The following NIPA1 variants were observed in gnomAD, a reference collection of about 807,000 sequenced individuals.
NIPA1 encodes the protein NIPA magnesium transporter 1, also known as magnesium transporter NIPA1.
In NIPA1, 13 loss-of-function variants were observed where a neutral mutation model predicts 23.9. The ratio of observed to expected loss-of-function variants is 0.54; its 90% CI spans 0.35 to 0.87. NIPA1 has a LOEUF of 0.87. Ranked by LOEUF, NIPA1 falls within the 40% of genes least tolerant of loss-of-function variation. NIPA1 has a pLI of 0.01. For synonymous variants in NIPA1, 234 were observed against 202.9 expected (o/e 1.15, Z -1.30); for missense variants, 362 against 429.7 (o/e 0.84, Z 1.39).
Position 22,786,805 on chromosome 15 carries a change from A to G in NIPA1, c.149A>G (p.Lys50Arg). The G allele has an allele frequency of 7.9e-7, 1 of 1,269,394 alleles. No individual in the cohort carries two copies. Among genetic ancestry groups the G allele is most frequent in the Non-Finnish European group, 1.0e-6 (1 of 985,010 alleles). The allele number at this position is 1,269,394 out of a possible 1,614,324, so 78.6% of individuals were successfully genotyped here. Reference sequence around the variant, plus strand: ...AACGGGTCCACGTTCGTGCTACAGAAGAAGGGCATCGTGCGTGCCAAGCGG... The same window carrying G: ...AACGGGTCCACGTTCGTGCTACAGAGGAAGGGCATCGTGCGTGCCAAGCGG... Reference protein sequence around the residue: ...LVNGSTFVLQKKGIVRAKRRG... With the variant: ...LVNGSTFVLQRKGIVRAKRRG... The change falls in exon 1 of 5, where the codon AAG (lysine) becomes AGG (arginine). Residue 50 changes from lysine to arginine, a missense_variant. Physicochemically the swap from Lys to Arg is conservative, Grantham distance 26. Coordinates refer to ENST00000337435, the MANE Select transcript of NIPA1 (RefSeq NM_144599.5).
At position 22,791,388 on chromosome 15, in the gene NIPA1, A is replaced by G. The variant is rs1470362003; in HGVS notation, c.178+4554A>G. Among the ~76,000 whole-genome samples the G allele has an allele frequency of 2.0e-5, 3 of 149,730 alleles. No individual in the cohort carries two copies. In the Admixed American group the frequency reaches 2.0e-4, roughly 10 times the overall value. On this transcript the variant is annotated intron_variant, in intron 1 of 4. Transcript: ENST00000337435. ...CCAGGTGGTAGCATTTCTAGATTTG[A>G]GATTCTAGATAGTCTCATCTTCAGG...
rs1432496649 is a variant in NIPA1 at position 22,828,017 on chromosome 15, C to T, written c.*3778C>T. On this transcript the variant is annotated 3_prime_UTR_variant, in exon 5 of 5. Transcript: ENST00000337435. ...GCTCGATGCTGACTTAGGCTTCCTGCCACCAAGCAGGAAACTAGAAAGAGA... is the reference window on the plus strand; with the variant it reads ...GCTCGATGCTGACTTAGGCTTCCTGTCACCAAGCAGGAAACTAGAAAGAGA... 6.6e-6 allele frequency: 1 copy of T among 152,316 alleles called. No individual in the cohort carries two copies. Among genetic ancestry groups the T allele is most frequent in the Non-Finnish European group, 1.5e-5 (1 of 68,036 alleles). 9.4% of individuals were successfully genotyped at this position (152,316 alleles called of 1,614,324 possible). A position where few individuals can be genotyped will look rare whatever the true frequency, so the allele number is the denominator to read the frequency against.
chr15:22,795,615 G>GAC (rs1311187898), intron 1 of NIPA1, among the ~76,000 whole-genome samples: 1 of 152,158 alleles, frequency 6.6e-6, no homozygotes, highest in East Asian at 1.9e-4. Context: ...CCCCTTCCAT[G>GAC]GTGTGTGGCT....
In NIPA1 at chr15:22,826,631, A is replaced by T. The variant is rs1468423807; in HGVS notation, c.*2392A>T. On this transcript the variant is annotated 3_prime_UTR_variant, in exon 5 of 5. Coordinates refer to ENST00000337435, the MANE Select transcript of NIPA1 (RefSeq NM_144599.5). ...TGTACCTTAGTATATTTTAATCCACAATTATACCATTGATACTGAGAGGTG... is the reference window on the plus strand; with the variant it reads ...TGTACCTTAGTATATTTTAATCCACTATTATACCATTGATACTGAGAGGTG... 1.3e-5 allele frequency: 2 copies of T among 152,152 alleles called. No individual in the cohort carries two copies. The highest frequency in any genetic ancestry group is 2.9e-5 in the Non-Finnish European group (2 of 68,022). 9.4% of individuals were successfully genotyped at this position (152,152 alleles called of 1,614,324 possible).
chr15:22,799,111 A>G (rs77420738), intron 1 of NIPA1, among the ~76,000 whole-genome samples: 1 of 152,178 alleles, frequency 6.6e-6, no homozygotes, highest in Non-Finnish European at 1.5e-5. Flanking sequence ...AGTTTTATCA[A>G]AAAGACACAT....
chr15:22,806,116 G>T (rs1173677310), intron 1 of NIPA1, among the ~76,000 whole-genome samples: 1 of 152,068 alleles, frequency 6.6e-6, no homozygotes, highest in Non-Finnish European at 1.5e-5. Flanking sequence ...GCAGAGACGG[G>T]GTTTCACCGT....
At chr15:22,801,608 C>CG (rs1244748339) in intron 1 of NIPA1, among the ~76,000 whole-genome samples, 13 of 149,226 alleles carry the variant, frequency 8.7e-5, no homozygotes, top group African/African-American at 3.2e-4. Context: ...TTCCACCTCC[C>CG]GGGGTTCAAG....
In NIPA1 at chr15:22,826,472, G is replaced by A. The variant is rs986750337; in HGVS notation, c.*2233G>A. ...TTTGGGCATAAAAATAGTTTCCTAGGTAAGGGGTGTGAGATATTCAAAGAA... is the reference window on the plus strand; with the variant it reads ...TTTGGGCATAAAAATAGTTTCCTAGATAAGGGGTGTGAGATATTCAAAGAA... On this transcript the variant is annotated 3_prime_UTR_variant, in exon 5 of 5. Coordinates refer to ENST00000337435, the MANE Select transcript of NIPA1 (RefSeq NM_144599.5). 4.6e-5 allele frequency: 7 copies of A among 152,140 alleles called. No homozygotes were observed. The highest frequency in any genetic ancestry group is 1.0e-4 in the Non-Finnish European group (7 of 68,028). 9.4% of individuals were successfully genotyped at this position (152,140 alleles called of 1,614,324 possible). A position where few individuals can be genotyped will look rare whatever the true frequency, so the allele number is the denominator to read the frequency against.
intron 1 of NIPA1, among the ~76,000 whole-genome samples, chr15:22,808,063 A>G (rs1895249512): frequency 1.3e-5 from 2 of 152,090 alleles, no homozygotes; most frequent in South Asian, 4.1e-4. Flanking sequence ...TGCTGGGATT[A>G]CAGGCATGAG....
At position 22,814,327 on chromosome 15, in the gene NIPA1, G is replaced by A. The variant is rs142873955; in HGVS notation, c.317+2074G>A. The stretch of plus-strand genomic sequence containing the variant: ...GGCTGGAGTGCAGTGGCACGATCTC[G>A]GCTCACTGCAAGCTCTACCTGCTGG... On this transcript the variant is annotated intron_variant, in intron 3 of 4. Transcript: ENST00000337435. Among the ~76,000 whole-genome samples the A allele has an allele frequency of 1.8e-3, 269 of 150,774 alleles. 1 individual carries two copies. Among genetic ancestry groups the A allele is most frequent in the African/African-American group, 6.3e-3 (258 of 40,964 alleles).
Position 22,807,862 on chromosome 15 carries a change from C to G in NIPA1, c.179-2887C>G, listed in dbSNP as rs933008665. 2.6e-5 allele frequency among the ~76,000 whole-genome samples: 4 copies of G among 151,354 alleles called. No homozygotes were observed. The South Asian group carries it at 8.3e-4, about 32-fold the overall frequency. On this transcript the variant is annotated intron_variant, in intron 1 of 4. Coordinates refer to ENST00000337435, the MANE Select transcript of NIPA1 (RefSeq NM_144599.5). Reference sequence around the variant, plus strand: ...GCAGTGGCACAATCTCGGCTTACTGCAAGCTCTGCCTCCCAGGTTCATGCC... The same window carrying G: ...GCAGTGGCACAATCTCGGCTTACTGGAAGCTCTGCCTCCCAGGTTCATGCC...
chr15:22,801,807 G>T (rs1002513211), intron 1 of NIPA1, among the ~76,000 whole-genome samples: 1 of 152,036 alleles, frequency 6.6e-6, no homozygotes, highest in Non-Finnish European at 1.5e-5. Context: ...GAGCCACTGC[G>T]CCTGGCTGTG....
At chr15:22,807,804 G>GTGTGTGTGTGTGTGT (rs1895240688) in intron 1 of NIPA1, among the ~76,000 whole-genome samples, 4 of 150,812 alleles carry the variant, frequency 2.7e-5, no homozygotes, top group East Asian at 1.9e-4. Flanking sequence ...GTGTGTGTGT[G>GTGTGTGTGTGTGTGT]ATGGAGTCTC....
In NIPA1 at chr15:22,828,182, C is replaced by G. The variant is rs773869112; in HGVS notation, c.*3943C>G. 1 of 152,598 alleles carries G rather than the reference C, an allele frequency of 6.6e-6. No individual in the cohort carries two copies. The highest frequency in any genetic ancestry group is 1.5e-5 in the Non-Finnish European group (1 of 68,036). 9.5% of individuals were successfully genotyped at this position (152,598 alleles called of 1,614,324 possible). On this transcript the variant is annotated 3_prime_UTR_variant, in exon 5 of 5. Coordinates refer to ENST00000337435, the MANE Select transcript of NIPA1 (RefSeq NM_144599.5). Reference sequence around the variant, plus strand: ...ATGGAGTCTTGGTGTTTTGCCTTCTCAGGGACCAAAAATGTATCATTGACT... The same window carrying G: ...ATGGAGTCTTGGTGTTTTGCCTTCTGAGGGACCAAAAATGTATCATTGACT...
intron 2 of NIPA1, among the ~76,000 whole-genome samples, chr15:22,811,942 A>C (rs1322565351): frequency 6.6e-6 from 1 of 152,222 alleles, no homozygotes; most frequent in Non-Finnish European, 1.5e-5. Context: ...CGGCATTTCC[A>C]TGGAGGGCTG....
Position 22,827,768 on chromosome 15 carries a change from G to A in NIPA1, c.*3529G>A, listed in dbSNP as rs1473199941. ...TGACTCAGCTCTTTGTAAATGTTGT[G>A]CTCAACTTCTAGGGGCCAGTTCTAG... On this transcript the variant is annotated 3_prime_UTR_variant, in exon 5 of 5. Coordinates refer to ENST00000337435, the MANE Select transcript of NIPA1 (RefSeq NM_144599.5). The A allele has an allele frequency of 1.3e-5, 2 of 152,100 alleles. No individual in the cohort carries two copies. Among genetic ancestry groups the A allele is most frequent in the Non-Finnish European group, 2.9e-5 (2 of 68,022 alleles). 9.4% of individuals were successfully genotyped at this position (152,100 alleles called of 1,614,324 possible).
chr15:22,823,978 C>A lies in NIPA1; in HGVS notation c.729C>A (p.Val243=), dbSNP rs1450146720. ...LLAVLGCSII[V]QFRYINKALE... ...CCGTGCTCGGCTGCAGCATCATCGT[C>A]CAGTTCAGGTACATCAACAAGGCGC... is the stretch of plus-strand genomic sequence containing the variant. Residue 243 remains valine, a synonymous_variant, in exon 5 of 5, where the codon GTC becomes GTA. Transcript: ENST00000337435. 1.1e-5 allele frequency: 17 copies of A among 1,614,080 alleles called. No individual in the cohort carries two copies. The highest frequency in any genetic ancestry group is 1.4e-5 in the Non-Finnish European group (17 of 1,180,046).
At chr15:22,819,430 A>T (rs908268310) in intron 3 of NIPA1, 1 of 152,168 alleles carries the variant, frequency 6.6e-6, no homozygotes, top group Admixed American at 6.5e-5. Flanking sequence ...AGGTGTTCCA[A>T]TTCAGATTGT....
rs894087898 is a variant in NIPA1, at chr15:22,827,375, G to A, written c.*3136G>A. On this transcript the variant is annotated 3_prime_UTR_variant, in exon 5 of 5. Coordinates refer to ENST00000337435, the MANE Select transcript of NIPA1 (RefSeq NM_144599.5). ...CCTGGAGCATCTTCCCGGCTGGCAG[G>A]ACCATGCCATCTCTGTGGAGAAGGT... 1 of 152,188 alleles carries A rather than the reference G, an allele frequency of 6.6e-6. No homozygotes were observed. Among genetic ancestry groups the A allele is most frequent in the Non-Finnish European group, 1.5e-5 (1 of 68,048 alleles). 9.4% of individuals were successfully genotyped at this position (152,188 alleles called of 1,614,324 possible).
Sources: allele counts gnomAD v4.1 joint callset (sites outside exome capture counted in the v4.1 genomes callset), GRCh38; gene constraint gnomAD v4.1.1; transcripts MANE v1.5; gene names NCBI Gene and HGNC (gene_info 2026-07-23, HGNC 2026-07-21).